The following GLDC variants were observed in gnomAD, a reference collection of about 807,000 sequenced individuals.
GLDC encodes glycine dehydrogenase (decarboxylating), mitochondrial.
Under a neutral mutation model 121.3 loss-of-function variants are expected in GLDC, and 104 were observed. That is an observed-to-expected ratio of 0.86 (90% confidence interval 0.73 to 1.01). The LOEUF is 1.01. Ranked by LOEUF, GLDC falls within the 50% of genes least tolerant of loss-of-function variation. GLDC has a pLI of 0.00. For synonymous variants in GLDC, 546 were observed against 480.6 expected (o/e 1.14, Z -1.78); for missense variants, 1,429 against 1,306.6 (o/e 1.09, Z -1.44).
At chr9:6,558,420 G>A in intron 17 of GLDC, 139 bp downstream of exon 17, 1 of 970,084 alleles carries the variant, frequency 1.0e-6, no homozygotes, top group Non-Finnish European at 1.7e-6. Context: ...GAGGGGTAGA[G>A]TAGACTCTGG....
intron 15 of GLDC, among the ~76,000 whole-genome samples, chr9:6,577,582 A>C (rs542418213): frequency 6.6e-6 from 1 of 152,344 alleles, no homozygotes; most frequent in South Asian, 2.1e-4. Flanking sequence ...AAGGCTTTAA[A>C]AATTTTAAAT....
chr9:6,554,971 A>C, intron 18 of GLDC, 190 bp from the exon 19 acceptor site: 1 of 653,086 alleles, frequency 1.5e-6, no homozygotes, highest in Non-Finnish European at 2.8e-6. Flanking sequence ...TCCGATAGGC[A>C]GAGTGCTTGT....
At chr9:6,555,900 G>T (rs563844813) in intron 18 of GLDC, among the ~76,000 whole-genome samples, 1 of 152,182 alleles carries the variant, frequency 6.6e-6, no homozygotes, top group Non-Finnish European at 1.5e-5. Flanking sequence ...TTCTTCAGAG[G>T]TTCACAGTAC....
intron 2 of GLDC, among the ~76,000 whole-genome samples, chr9:6,630,997 G>T (rs80147714): frequency 6.6e-6 from 1 of 152,162 alleles, no homozygotes; most frequent in African/African-American, 2.4e-5. Context: ...TGAATCGTTC[G>T]AGAAAGCCAA....
chr9:6,606,595 G>C lies in GLDC; in HGVS notation c.710C>G (p.Ala237Gly). Reference sequence around the variant, plus strand: ...AAACACGAATCAAATTAATTACTTGGCTCGAGTCTGGACAACAGCTATTGT... The same window carrying C: ...AAACACGAATCAAATTAATTACTTGCCTCGAGTCTGGACAACAGCTATTGT... ...PQTIAVVQTRAKYTGVLTELK... is the reference protein window; with the variant it reads ...PQTIAVVQTRGKYTGVLTELK... The change falls in exon 5 of 25, where the codon GCC becomes GGC. Residue 237 changes from alanine to glycine, a missense_variant. By Grantham distance (60) the Ala-to-Gly change is moderately conservative. Coordinates refer to ENST00000321612, the MANE Select transcript of GLDC (RefSeq NM_000170.3). The C allele has an allele frequency of 6.4e-7, 1 of 1,568,798 alleles. No individual in the cohort carries two copies. Among genetic ancestry groups the C allele is most frequent in the Non-Finnish European group, 8.8e-7 (1 of 1,138,860 alleles).
chr9:6,629,929 C>CTATATATATATATGTATATATA (rs60994714), intron 2 of GLDC, among the ~76,000 whole-genome samples: 34 of 102,134 alleles, frequency 3.3e-4, no homozygotes, highest in Non-Finnish European at 4.4e-4. Flanking sequence ...TTGCTTTTCA[C>CTATATATATATATGTATATATA]TATATATATA....
chr9:6,612,963 G>A (rs1161385654), intron 3 of GLDC, among the ~76,000 whole-genome samples: 1 of 152,124 alleles, frequency 6.6e-6, no homozygotes, highest in African/African-American at 2.4e-5. Flanking sequence ...GTGAGACTCT[G>A]TCTCAAAAAA....
chr9:6,546,365 CTTTTTTTTTTT>C (rs34760385), intron 21 of GLDC, among the ~76,000 whole-genome samples: 15 of 138,078 alleles, frequency 1.1e-4, no homozygotes, highest in Non-Finnish European at 2.4e-4. Context: ...TTAATTTTTT[CTTTTTTTTTTT>C]TTTTGGAAGA....
chr9:6,537,136 T>C (rs1817145007), intron 22 of GLDC, among the ~76,000 whole-genome samples: 1 of 151,566 alleles, frequency 6.6e-6, no homozygotes, highest in Admixed American at 6.6e-5. Flanking sequence ...GCTCAAGTGA[T>C]CCTCCCACCT....
chr9:6,554,902 C>T (rs1269071305), intron 18 of GLDC, 121 bp from the exon 19 acceptor site: 1 of 752,300 alleles, frequency 1.3e-6, no homozygotes, highest in Non-Finnish European at 2.4e-6. Flanking sequence ...AGAGCCACAT[C>T]CATGGTGTTC....
At chr9:6,573,613 T>G (rs1274075775) in intron 15 of GLDC, among the ~76,000 whole-genome samples, 2 of 152,090 alleles carry the variant, frequency 1.3e-5, no homozygotes, top group Non-Finnish European at 2.9e-5. Context: ...ACTTCACAGT[T>G]GCTTGTGATA....
At chr9:6,550,281 C>G (rs761294642) in intron 21 of GLDC, among the ~76,000 whole-genome samples, 19 of 152,034 alleles carry the variant, frequency 1.2e-4, no homozygotes, top group Non-Finnish European at 2.4e-4. Flanking sequence ...GCTGTGTAGA[C>G]TAGGAGCCTA....
chr9:6,578,477 G>C (rs748038917), intron 15 of GLDC, among the ~76,000 whole-genome samples: 7 of 151,986 alleles, frequency 4.6e-5, no homozygotes, highest in Non-Finnish European at 8.8e-5. Flanking sequence ...CACTGTTTTA[G>C]CTACAGCCCG....
chr9:6,601,725 G>A (rs766396515), intron 8 of GLDC, among the ~76,000 whole-genome samples: 1 of 151,992 alleles, frequency 6.6e-6, no homozygotes, highest in African/African-American at 2.4e-5. Flanking sequence ...CCCAGATTCT[G>A]GTGATCCTCC....
rs753895623 is a variant in GLDC, at chr9:6,556,228, G to A, written c.2127C>T (p.Asn709=). 3 of 1,612,190 alleles carry A rather than the reference G, an allele frequency of 1.9e-6. No individual in the cohort carries two copies. Among genetic ancestry groups the A allele is most frequent in the African/African-American group, 1.3e-5 (1 of 74,984 alleles). The change falls in exon 18 of 25, where the codon AAC becomes AAT. Residue 709 remains asparagine, a synonymous_variant. Transcript: ENST00000321612. The part of the protein sequence containing the change: ...YPSTNGVFEE[N]ISDVCDLIHQ... ...GGATGAGGTCACACACGTCACTGAT[G>A]TTCTCTTCAAACACCCCATTGGTGG...
chr9:6,537,583 C>A (rs1191864912), intron 22 of GLDC, among the ~76,000 whole-genome samples: 1 of 152,202 alleles, frequency 6.6e-6, no homozygotes, highest in Non-Finnish European at 1.5e-5. Flanking sequence ...GAGTTTGAGA[C>A]CTGCCTGGGC....
rs148595972 is a variant in GLDC, at chr9:6,557,334, G to C, written c.2053-1032C>G. On this transcript the variant is annotated intron_variant, in intron 17 of 24. Transcript: ENST00000321612. ...ACAGAGGCCAGGCGTGGTAGCTCACGCCTGTAATCTCAGCACTTTGGGAGG... is the reference window on the plus strand; with the variant it reads ...ACAGAGGCCAGGCGTGGTAGCTCACCCCTGTAATCTCAGCACTTTGGGAGG... Among the ~76,000 whole-genome samples the C allele has an allele frequency of 9.9e-4, 150 of 152,238 alleles. 1 individual carries two copies. Among genetic ancestry groups the C allele is most frequent in the African/African-American group, 3.4e-3 (141 of 41,550 alleles).
At chr9:6,632,929 C>T (rs1419512484) in intron 2 of GLDC, among the ~76,000 whole-genome samples, 1 of 152,204 alleles carries the variant, frequency 6.6e-6, no homozygotes, top group Non-Finnish European at 1.5e-5. Flanking sequence ...AGCAGACCCT[C>T]CCTGCAGGCC....
In GLDC at chr9:6,620,329, G is replaced by A. The variant is rs373940475; in HGVS notation, c.335-10C>T. On this transcript the variant is annotated splice_polypyrimidine_tract_variant and intron_variant, in intron 2 of 24. Coordinates refer to ENST00000321612, the MANE Select transcript of GLDC (RefSeq NM_000170.3). ...AGGATTTCATTTTCACCTAATTGTG[G>A]GAAAAAGAGAAATGTTACAGACAGA... The A allele has an allele frequency of 5.0e-6, 8 of 1,611,452 alleles. No individual in the cohort carries two copies. In the African/African-American group the frequency reaches 1.1e-4, roughly 22 times the overall value.
Sources: gnomAD v4.1 joint callset for allele counts (sites outside exome capture counted in the v4.1 genomes callset) on GRCh38, gnomAD v4.1.1 for gene constraint, MANE v1.5 for transcripts, NCBI Gene and HGNC (gene_info 2026-07-23, HGNC 2026-07-21) for gene names.